CMIP: variants seen among roughly 807,000 people sequenced by gnomAD.
CMIP encodes c-Maf inducing protein, also known as C-Maf-inducing protein.
A neutral mutation model predicts 97.3 loss-of-function variants in CMIP; 13 were observed. The observed-to-expected ratio is 0.13, with a 90% CI of 0.09 to 0.21. The LOEUF (loss-of-function observed/expected upper bound fraction) is 0.21. Among genes scored for constraint, CMIP ranks in the 10% least tolerant of loss-of-function variants. The pLI is 1.00. For missense variants in CMIP, 847 were observed against 1,024.9 expected, an observed-to-expected ratio of 0.83 and a Z score of 2.37; for synonymous variants, 538 against 436.3, an observed-to-expected ratio of 1.23 and a Z score of -2.91.
intron 7 of CMIP, among the ~76,000 whole-genome samples, chr16:81,668,862 A>C: frequency 7.1e-6 from 1 of 141,788 alleles, no homozygotes; most frequent in African/African-American, 2.7e-5. Flanking sequence ...ACTGCCTTCC[A>C]CACCCACCTC....
At chr16:81,566,375 C>T (rs756240293) in intron 1 of CMIP, among the ~76,000 whole-genome samples, 1 of 152,230 alleles carries the variant, frequency 6.6e-6, no homozygotes, top group African/African-American at 2.4e-5. Flanking sequence ...TCCTCCCTCA[C>T]TGCTGCTGTT....
chr16:81,537,056 C>A (rs747861066), intron 1 of CMIP, among the ~76,000 whole-genome samples: 1 of 152,160 alleles, frequency 6.6e-6, no homozygotes, highest in Non-Finnish European at 1.5e-5. Context: ...GCATTTTTCC[C>A]ATGACATATT....
At chr16:81,609,601 T>G (rs9926468) in intron 2 of CMIP, among the ~76,000 whole-genome samples, 1 of 152,054 alleles carries the variant, frequency 6.6e-6, no homozygotes, top group Non-Finnish European at 1.5e-5. Context: ...GAGGCAACCG[T>G]GGAGGACTGG....
At chr16:81,625,393 G>A (rs756214968) in intron 3 of CMIP, among the ~76,000 whole-genome samples, 3 of 152,254 alleles carry the variant, frequency 2.0e-5, no homozygotes, top group African/African-American at 7.2e-5. Context: ...GGTTAATGAG[G>A]CTTCATTTCT....
chr16:81,458,401 C>T (rs990587178), intron 1 of CMIP, among the ~76,000 whole-genome samples: 1 of 152,140 alleles, frequency 6.6e-6, no homozygotes, highest in African/African-American at 2.4e-5. Context: ...CTTCTGTTGC[C>T]CCCAGTGGTA....
At chr16:81,450,866 C>T (rs1906163832) in intron 1 of CMIP, among the ~76,000 whole-genome samples, 1 of 152,222 alleles carries the variant, frequency 6.6e-6, no homozygotes, top group Non-Finnish European at 1.5e-5. Context: ...GTCCACACAG[C>T]CCCTAGTGGC....
chr16:81,636,156 C>T (rs1171578556), intron 3 of CMIP, among the ~76,000 whole-genome samples: 1 of 149,268 alleles, frequency 6.7e-6, no homozygotes, highest in Non-Finnish European at 1.5e-5. Context: ...CATGAGCCTT[C>T]CATGCTGGAG....
chr16:81,525,794 G>A (rs577990204), intron 1 of CMIP, among the ~76,000 whole-genome samples: 1 of 152,132 alleles, frequency 6.6e-6, no homozygotes, highest in Non-Finnish European at 1.5e-5. Flanking sequence ...CCGACCCCTG[G>A]CAATCACTTT....
intron 1 of CMIP, among the ~76,000 whole-genome samples, chr16:81,458,520 G>C (rs1005549856): frequency 2.6e-5 from 4 of 152,152 alleles, no homozygotes; most frequent in Non-Finnish European, 5.9e-5. Flanking sequence ...CTCCTGCGTA[G>C]GGCCCTCCCT....
Position 81,573,233 on chromosome 16 carries a change from G to A in CMIP, c.301-34334G>A, listed in dbSNP as rs528883944. Among the ~76,000 whole-genome samples the A allele has an allele frequency of 3.1e-4, 47 of 152,112 alleles. 1 individual carries two copies. The highest frequency in any genetic ancestry group is 1.0e-3 in the African/African-American group (42 of 41,498). On this transcript the variant is annotated intron_variant, in intron 1 of 20. Transcript: ENST00000537098. ...GTGGCGGGCACCTGTAATACCAACT[G>A]TTCGGGAGGGTGAGTCAAGAGAATT...
At chr16:81,531,967 A>G (rs1040182455) in intron 1 of CMIP, among the ~76,000 whole-genome samples, 1 of 152,230 alleles carries the variant, frequency 6.6e-6, no homozygotes, top group Admixed American at 6.5e-5. Flanking sequence ...CACTGCACAT[A>G]CTTCTAAAAC....
In CMIP at chr16:81,445,140, G is replaced by A; in HGVS notation, c.-102G>A. The A allele has an allele frequency of 5.0e-6, 3 of 598,922 alleles. No homozygotes were observed. The South Asian group carries it at 1.1e-4, about 23-fold the overall frequency. 37.1% of individuals were successfully genotyped at this position (598,922 alleles called of 1,614,324 possible). A position where few individuals can be genotyped will look rare whatever the true frequency, so the allele number is the denominator to read the frequency against. On this transcript the variant is annotated 5_prime_UTR_variant, in exon 1 of 21. Coordinates refer to ENST00000537098, the MANE Select transcript of CMIP (RefSeq NM_198390.3). ...AGCCCCACACCCCCCCACCTTCCCGGGGGGTGGGGGGGTGCGGGCCGCCGG... is the reference window on the plus strand; with the variant it reads ...AGCCCCACACCCCCCCACCTTCCCGAGGGGTGGGGGGGTGCGGGCCGCCGG...
At chr16:81,447,433 C>T (rs1233370413) in intron 1 of CMIP, among the ~76,000 whole-genome samples, 3 of 152,024 alleles carry the variant, frequency 2.0e-5, no homozygotes, top group Non-Finnish European at 2.9e-5. Context: ...CTAATGCCTC[C>T]CCACTTACCT....
rs562294279 is a variant in CMIP at position 81,663,399 on chromosome 16, C to T, written c.745-870C>T. Among the ~76,000 whole-genome samples, 11 of 151,956 alleles carry T rather than the reference C, an allele frequency of 7.2e-5. No individual in the cohort carries two copies. In the South Asian group the frequency reaches 1.7e-3, roughly 23 times the overall value. On this transcript the variant is annotated intron_variant, in intron 6 of 20. Coordinates refer to ENST00000537098, the MANE Select transcript of CMIP (RefSeq NM_198390.3). ...CCATCTGAAAAGGCTGCACACTGCA[C>T]GATTCCAACTACAGGACATTCTGAA...
At chr16:81,556,731 A>T (rs1252661606) in intron 1 of CMIP, among the ~76,000 whole-genome samples, 1 of 152,216 alleles carries the variant, frequency 6.6e-6, no homozygotes, top group Non-Finnish European at 1.5e-5. Context: ...GTACACTTAA[A>T]TGGTTAAAAT....
At chr16:81,476,402 T>G (rs1187029683) in intron 1 of CMIP, 6 of 1,109,186 alleles carry the variant, frequency 5.4e-6, no homozygotes, top group Non-Finnish European at 8.2e-6. Context: ...TCTCCAGTGC[T>G]CAGAGCGTGA....
intron 1 of CMIP, among the ~76,000 whole-genome samples, chr16:81,535,721 T>A (rs915080180): frequency 8.5e-5 from 13 of 152,144 alleles, no homozygotes; most frequent in African/African-American, 2.9e-4. Flanking sequence ...CCCTTGAGTG[T>A]TCAGACACTC....
Position 81,657,869 on chromosome 16 carries a change from A to G in CMIP, c.681+53A>G, listed in dbSNP as rs373185920. The G allele has an allele frequency of 5.9e-5, 86 of 1,466,782 alleles. No individual in the cohort carries two copies. In the African/African-American group the frequency reaches 1.1e-3, roughly 19 times the overall value. The allele number at this position is 1,466,782 out of a possible 1,614,324, so 90.9% of individuals were successfully genotyped here. A position where few individuals can be genotyped will look rare whatever the true frequency, so the allele number is the denominator to read the frequency against. ...CACCCACCTCCGCCTCCTGGAGCCT[A>G]CAACCCTTTTCCTGGTTTGGGGTAA... is the stretch of plus-strand genomic sequence containing the variant. On this transcript the variant is annotated intron_variant, in intron 5 of 20. Transcript: ENST00000537098.
At chr16:81,635,077 G>T (rs1352100624) in intron 3 of CMIP, among the ~76,000 whole-genome samples, 1 of 152,208 alleles carries the variant, frequency 6.6e-6, no homozygotes, top group Non-Finnish European at 1.5e-5. Context: ...CAGAGGAAGA[G>T]CAGGCTCTGG....
Sources: allele counts gnomAD v4.1 joint callset (sites outside exome capture counted in the v4.1 genomes callset), GRCh38; gene constraint gnomAD v4.1.1; transcripts MANE v1.5; gene names NCBI Gene and HGNC (gene_info 2026-07-23, HGNC 2026-07-21).